Variants in SLC9A9 observed in about 807,000 individuals in gnomAD.
SLC9A9 encodes solute carrier family 9 member A9.
In SLC9A9, 62 loss-of-function variants were observed where a neutral mutation model predicts 77.8. The ratio of observed to expected loss-of-function variants is 0.80; its 90% CI spans 0.65 to 0.98. The LOEUF (loss-of-function observed/expected upper bound fraction) is 0.98, where lower values mean the gene tolerates loss of function less well. Among genes scored for constraint, SLC9A9 ranks in the 50% least tolerant of loss-of-function variants. The pLI is 0.00. For missense variants in SLC9A9, 775 were observed against 774.9 expected (o/e 1.00, Z 0.00); for synonymous variants, 320 against 283.5 (o/e 1.13, Z -1.29).
At chr3:143,576,152 GC>G (rs1218115643) in intron 7 of SLC9A9, among the ~76,000 whole-genome samples, 3 of 152,214 alleles carry the variant, frequency 2.0e-5, no homozygotes, top group Non-Finnish European at 4.4e-5. Flanking sequence ...GAGCCCAAAA[GC>G]CTGGGTTTGA....
chr3:143,562,057 C>T (rs899239557), intron 8 of SLC9A9, among the ~76,000 whole-genome samples: 4 of 152,174 alleles, frequency 2.6e-5, no homozygotes, highest in African/African-American at 9.7e-5. Context: ...AGTTTGGTAT[C>T]TGGTATTTAC....
At chr3:143,774,171 A>G (rs1287109171) in intron 4 of SLC9A9, among the ~76,000 whole-genome samples, 1 of 152,198 alleles carries the variant, frequency 6.6e-6, no homozygotes, top group Non-Finnish European at 1.5e-5. Context: ...TAGCATCCAT[A>G]TAATTGAACA....
chr3:143,683,983 A>G (rs181358511), intron 5 of SLC9A9, among the ~76,000 whole-genome samples: 1 of 152,072 alleles, frequency 6.6e-6, no homozygotes, highest in Non-Finnish European at 1.5e-5. Context: ...AATAATGATG[A>G]CAACATAACA....
Position 143,309,772 on chromosome 3 carries a change from G to A in SLC9A9, c.1605-40792C>T, listed in dbSNP as rs564161425. ...ATGTTCTCAGCAATTCCCTGGGTCTGGTCCACGTGAATTCCCACTAGGTCT... is the reference window on the plus strand; with the variant it reads ...ATGTTCTCAGCAATTCCCTGGGTCTAGTCCACGTGAATTCCCACTAGGTCT... On this transcript the variant is annotated intron_variant, in intron 14 of 15. Coordinates refer to ENST00000316549, the MANE Select transcript of SLC9A9 (RefSeq NM_173653.4). Among the ~76,000 whole-genome samples the A allele has an allele frequency of 4.2e-4, 64 of 152,284 alleles. No homozygotes were observed. In the South Asian group the frequency reaches 5.6e-3, roughly 13 times the overall value.
chr3:143,658,343 C>T (rs1347446215), intron 5 of SLC9A9, among the ~76,000 whole-genome samples: 1 of 152,220 alleles, frequency 6.6e-6, no homozygotes, highest in Non-Finnish European at 1.5e-5. Flanking sequence ...CTAAGCACAT[C>T]CTTGAGAGAA....
chr3:143,434,846 A>T (rs184270465), intron 12 of SLC9A9, among the ~76,000 whole-genome samples: 1 of 150,940 alleles, frequency 6.6e-6, no homozygotes, highest in Non-Finnish European at 1.5e-5. Context: ...AGCTCTCTCA[A>T]CCTCACCTCC....
intron 5 of SLC9A9, among the ~76,000 whole-genome samples, chr3:143,668,220 C>G (rs2039102342): frequency 6.6e-6 from 1 of 151,510 alleles, no homozygotes; most frequent in African/African-American, 2.4e-5. Context: ...TCTCAGCAAA[C>G]TATCACAAGG....
rs1227755230 is a variant in SLC9A9 at position 143,265,364 on chromosome 3, A to AAAAAT, written c.*1333_*1337dup. 2.0e-5 allele frequency: 3 copies of AAAAAT among 152,504 alleles called. No individual in the cohort carries two copies. The highest frequency in any genetic ancestry group is 4.4e-5 in the Non-Finnish European group (3 of 68,158). 9.4% of individuals were successfully genotyped at this position (152,504 alleles called of 1,614,324 possible). On this transcript the variant is annotated 3_prime_UTR_variant, in exon 16 of 16. Coordinates refer to ENST00000316549, the MANE Select transcript of SLC9A9 (RefSeq NM_173653.4). ...CCCAGAGATTCTGTTTGGAAAGCAA[A>AAAAAT]AAAATAATTGATGCACATAGCAGTG...
At chr3:143,622,202 T>C in intron 6 of SLC9A9, among the ~76,000 whole-genome samples, 1 of 152,172 alleles carries the variant, frequency 6.6e-6, no homozygotes, top group Non-Finnish European at 1.5e-5. Context: ...CAGGATATTA[T>C]CCAGGAGAAC....
At chr3:143,651,530 A>G (rs1054680203) in intron 6 of SLC9A9, among the ~76,000 whole-genome samples, 1 of 152,216 alleles carries the variant, frequency 6.6e-6, no homozygotes, top group Non-Finnish European at 1.5e-5. Context: ...ATTATCAGAT[A>G]TTGACTTTCC....
intron 1 of SLC9A9, among the ~76,000 whole-genome samples, chr3:143,838,227 A>G (rs181240210): frequency 6.6e-6 from 1 of 152,306 alleles, no homozygotes; most frequent in African/African-American, 2.4e-5. Flanking sequence ...ACTTAATAGA[A>G]GAGGTTCTCA....
intron 6 of SLC9A9, among the ~76,000 whole-genome samples, chr3:143,586,520 T>C (rs995627367): frequency 6.6e-6 from 1 of 152,172 alleles, no homozygotes; most frequent in Non-Finnish European, 1.5e-5. Context: ...TGAAAAACAA[T>C]TACAGTGCTA....
At chr3:143,497,058 C>A (rs1039903758) in intron 9 of SLC9A9, among the ~76,000 whole-genome samples, 2 of 152,182 alleles carry the variant, frequency 1.3e-5, no homozygotes, top group African/African-American at 4.8e-5. Flanking sequence ...CTAACTCCCT[C>A]ACAAGGGCCT....
intron 12 of SLC9A9, among the ~76,000 whole-genome samples, chr3:143,429,521 C>T (rs967807021): frequency 1.3e-5 from 2 of 152,198 alleles, no homozygotes; most frequent in African/African-American, 4.8e-5. Context: ...AGAAGTCCAT[C>T]CCTGCTACCT....
intron 11 of SLC9A9, among the ~76,000 whole-genome samples, chr3:143,482,680 C>A (rs1364130207): frequency 1.3e-5 from 2 of 152,198 alleles, no homozygotes; most frequent in Admixed American, 6.5e-5. Flanking sequence ...CTCCTTCCAG[C>A]AACTCCTGGT....
At chr3:143,729,325 A>C (rs2108808663) in intron 4 of SLC9A9, among the ~76,000 whole-genome samples, 1 of 152,300 alleles carries the variant, frequency 6.6e-6, no homozygotes, top group East Asian at 1.9e-4. Context: ...TGGAAAAATT[A>C]CTTGACCTCT....
At position 143,693,310 on chromosome 3, in the gene SLC9A9, G is replaced by A. The variant is rs1410251118; in HGVS notation, c.534-3C>T. ...TCACAAAACCATACATAATTAACCT[G>A]TTGAAGAGAAAAACATGACCTTCAA... On this transcript the variant is annotated splice_region_variant and splice_polypyrimidine_tract_variant and intron_variant, in intron 4 of 15. Transcript: ENST00000316549. 3.1e-6 allele frequency: 5 copies of A among 1,608,226 alleles called. No individual in the cohort carries two copies. The highest frequency in any genetic ancestry group is 4.3e-6 in the Non-Finnish European group (5 of 1,175,114).
chr3:143,696,788 A>AT (rs1485239332), intron 4 of SLC9A9, among the ~76,000 whole-genome samples: 1 of 152,186 alleles, frequency 6.6e-6, no homozygotes, highest in Non-Finnish European at 1.5e-5. Context: ...ATTGGATATT[A>AT]TAAAAAATAT....
rs1169907111 is a variant in SLC9A9, at chr3:143,617,975, C to A, written c.755+34280G>T. ...GACTACAGGAGAGAGAGTCCAGAGG[C>A]AATGGGATCACTTAAGAGGCTTTTG... On this transcript the variant is annotated intron_variant, in intron 6 of 15. Transcript: ENST00000316549. 2.0e-5 allele frequency among the ~76,000 whole-genome samples: 3 copies of A among 152,090 alleles called. 1 individual carries two copies. The highest frequency in any genetic ancestry group is 1.3e-4 in the Admixed American group (2 of 15,272).
Sources: allele counts gnomAD v4.1 joint callset (sites outside exome capture counted in the v4.1 genomes callset), GRCh38; gene constraint gnomAD v4.1.1; transcripts MANE v1.5; gene names NCBI Gene and HGNC (gene_info 2026-07-23, HGNC 2026-07-21).